DDAH1: variants seen among roughly 807,000 people sequenced by gnomAD.
The protein encoded by DDAH1 is N(G),N(G)-dimethylarginine dimethylaminohydrolase 1.
DDAH1 carries 19 observed loss-of-function variants against 28.8 expected under a neutral mutation model. That is an observed-to-expected ratio of 0.66 (90% CI 0.46 to 0.97). DDAH1 has a LOEUF of 0.97. Ranked by LOEUF, DDAH1 falls within the 50% of genes least tolerant of loss-of-function variation. The pLI is 0.00. For missense variants in DDAH1, 326 were observed against 375.9 expected (o/e 0.87, Z 1.10); for synonymous variants, 153 against 154.4 (o/e 0.99, Z 0.07).
chr1:85,330,538 C>T (rs946698345), intron 4 of DDAH1, among the ~76,000 whole-genome samples: 3 of 152,134 alleles, frequency 2.0e-5, no homozygotes, highest in Non-Finnish European at 4.4e-5. Flanking sequence ...GGAGACACAC[C>T]TAAACCCTCC....
intron 4 of DDAH1, among the ~76,000 whole-genome samples, chr1:85,341,682 G>A (rs1290073607): frequency 2.0e-5 from 3 of 152,066 alleles, no homozygotes; most frequent in Non-Finnish European, 4.4e-5. Context: ...GGGAGGTGGC[G>A]GGTGCCTGTA....
intron 1 of DDAH1, among the ~76,000 whole-genome samples, chr1:85,567,876 T>C (rs1013301459): frequency 1.3e-5 from 2 of 152,208 alleles, no homozygotes; most frequent in Non-Finnish European, 2.9e-5. Context: ...CATGTATGGA[T>C]CACTCCACCC....
intron 1 of DDAH1, among the ~76,000 whole-genome samples, chr1:85,393,325 A>G (rs2100559577): frequency 6.6e-6 from 1 of 152,330 alleles, no homozygotes; most frequent in South Asian, 2.1e-4. Context: ...CCTCAAAATA[A>G]AAAACAAAAT....
chr1:85,524,926 G>C (rs1227901932), intron 1 of DDAH1, among the ~76,000 whole-genome samples: 1 of 83,220 alleles, frequency 1.2e-5, no homozygotes, highest in Admixed American at 1.2e-4. Context: ...GCAGATGGGG[G>C]GAAGTTGTCA....
At chr1:85,387,976 C>G (rs1570469849) in intron 1 of DDAH1, among the ~76,000 whole-genome samples, 1 of 152,114 alleles carries the variant, frequency 6.6e-6, no homozygotes, top group Non-Finnish European at 1.5e-5. Context: ...GGGGAGGTGC[C>G]AAGTTCTTTT....
At chr1:85,488,620 A>G (rs1258154748) in intron 2 of DDAH1, among the ~76,000 whole-genome samples, 1 of 152,220 alleles carries the variant, frequency 6.6e-6, no homozygotes, top group African/African-American at 2.4e-5. Context: ...AGACATATAA[A>G]GAGCTTCCCT....
intron 1 of DDAH1, among the ~76,000 whole-genome samples, chr1:85,543,365 G>A (rs2100787387): frequency 6.6e-6 from 1 of 152,276 alleles, no homozygotes; most frequent in South Asian, 2.1e-4. Flanking sequence ...CCAGCCGGGT[G>A]GTAGGCTTCA....
chr1:85,493,242 C>T (rs1656466584), intron 2 of DDAH1, among the ~76,000 whole-genome samples: 1 of 152,004 alleles, frequency 6.6e-6, no homozygotes, highest in African/African-American at 2.4e-5. Context: ...GCCTACCTTG[C>T]TTAGGGATAA....
chr1:85,554,068 C>A (rs1395188193), intron 1 of DDAH1, among the ~76,000 whole-genome samples: 1 of 152,196 alleles, frequency 6.6e-6, no homozygotes, highest in African/African-American at 2.4e-5. Context: ...TAAATGTTAG[C>A]ACCAACATGT....
chr1:85,341,078 TTTA>T (rs1648446219), intron 4 of DDAH1, among the ~76,000 whole-genome samples: 1 of 152,230 alleles, frequency 6.6e-6, no homozygotes, highest in Admixed American at 6.5e-5. Context: ...CCCTGAACCA[TTTA>T]TTAGCCACTT....
chr1:85,336,595 C>CA (rs889975687), intron 4 of DDAH1, among the ~76,000 whole-genome samples: 2 of 151,452 alleles, frequency 1.3e-5, no homozygotes, highest in Admixed American at 6.6e-5. Flanking sequence ...AGAAAGATTT[C>CA]AAAAAAACAA....
chr1:85,519,812 A>T (rs1657609809), intron 1 of DDAH1, among the ~76,000 whole-genome samples: 1 of 152,228 alleles, frequency 6.6e-6, no homozygotes, highest in Admixed American at 6.5e-5. Context: ...GATCACAGAA[A>T]GATACATATT....
chr1:85,528,109 C>A (rs1557728075), intron 1 of DDAH1, among the ~76,000 whole-genome samples: 1 of 151,306 alleles, frequency 6.6e-6, no homozygotes, highest in Non-Finnish European at 1.5e-5. Context: ...AATTTTTTGT[C>A]TGCATTCCAC....
At chr1:85,475,217 T>C (rs1285742104) in intron 2 of DDAH1, among the ~76,000 whole-genome samples, 1 of 152,120 alleles carries the variant, frequency 6.6e-6, no homozygotes, top group East Asian at 1.9e-4. Flanking sequence ...AGATTACACA[T>C]ATATTATGAC....
At chr1:85,457,540 T>C (rs1654942921) in intron 1 of DDAH1, among the ~76,000 whole-genome samples, 1 of 152,210 alleles carries the variant, frequency 6.6e-6, no homozygotes, top group Admixed American at 6.5e-5. Flanking sequence ...AATAGACAGT[T>C]ATTGAATGTA....
At chr1:85,429,007 T>A (rs771717504) in intron 1 of DDAH1, among the ~76,000 whole-genome samples, 1 of 152,042 alleles carries the variant, frequency 6.6e-6, no homozygotes, top group Admixed American at 6.6e-5. Context: ...GGAGGCTTTT[T>A]ATTTATTTTT....
intron 2 of DDAH1, among the ~76,000 whole-genome samples, chr1:85,355,867 T>C (rs759281830): frequency 1.1e-4 from 16 of 152,094 alleles, no homozygotes; most frequent in Non-Finnish European, 2.2e-4. Flanking sequence ...AGTAGAAAAA[T>C]CACCTAAGAG....
At chr1:85,460,798 C>G (rs1570573340) in intron 1 of DDAH1, among the ~76,000 whole-genome samples, 1 of 152,192 alleles carries the variant, frequency 6.6e-6, no homozygotes, top group African/African-American at 2.4e-5. Context: ...AAGGGCAACA[C>G]CCACTTTCAC....
At chr1:85,455,308 G>A (rs992176303) in intron 1 of DDAH1, among the ~76,000 whole-genome samples, 2 of 152,204 alleles carry the variant, frequency 1.3e-5, no homozygotes, top group African/African-American at 4.8e-5. Flanking sequence ...TTTTGAAACT[G>A]CACCAAGATT....
Sources: gnomAD v4.1 joint callset for allele counts (sites outside exome capture counted in the v4.1 genomes callset) on GRCh38, gnomAD v4.1.1 for gene constraint, MANE v1.5 for transcripts, NCBI Gene and HGNC (gene_info 2026-07-23, HGNC 2026-07-21) for gene names.